Variants in SHOC2 observed in about 807,000 individuals in gnomAD.
The protein encoded by SHOC2 is leucine-rich repeat protein SHOC-2.
In SHOC2, 4 loss-of-function variants were observed where a neutral mutation model predicts 50.2. That is an observed-to-expected ratio of 0.08 (90% confidence interval 0.04 to 0.18). The LOEUF (loss-of-function observed/expected upper bound fraction) is 0.18, where lower values mean the gene tolerates loss of function less well. Among genes scored for constraint, SHOC2 ranks in the 10% least tolerant of loss-of-function variants. The probability of loss-of-function intolerance (pLI) is 1.00; values close to 1 mark genes in which losing one functional copy is unlikely to be tolerated. For missense variants in SHOC2, 388 were observed against 669.6 expected, an observed-to-expected ratio of 0.58 and a Z score of 4.64; for synonymous variants, 218 against 244.5, an observed-to-expected ratio of 0.89 and a Z score of 1.01.
At chr10:110,937,425 T>C (rs1847048429) in intron 1 of SHOC2, among the ~76,000 whole-genome samples, 1 of 152,230 alleles carries the variant, frequency 6.6e-6, no homozygotes, top group Non-Finnish European at 1.5e-5. Context: ...ATGCAAGCCA[T>C]TTCCCTGGCT....
chr10:110,996,712 A>C (rs1848274975), intron 3 of SHOC2, among the ~76,000 whole-genome samples: 1 of 152,174 alleles, frequency 6.6e-6, no homozygotes, highest in Non-Finnish European at 1.5e-5. Context: ...ATAGAATACA[A>C]CCTACCTTTT....
chr10:110,969,315 C>T (rs944997616), intron 2 of SHOC2, among the ~76,000 whole-genome samples: 2 of 152,160 alleles, frequency 1.3e-5, no homozygotes, highest in African/African-American at 4.8e-5. Context: ...CAGTCAAGAA[C>T]CCATGTTTTC....
At chr10:110,999,913 A>G (rs1590830825) in intron 3 of SHOC2, among the ~76,000 whole-genome samples, 1 of 152,208 alleles carries the variant, frequency 6.6e-6, no homozygotes, top group East Asian at 1.9e-4. Context: ...CCATCAGGCC[A>G]AGTTTTCAGT....
At chr10:110,991,083 C>T (rs925567766) in intron 3 of SHOC2, among the ~76,000 whole-genome samples, 6 of 152,116 alleles carry the variant, frequency 3.9e-5, no homozygotes, top group Non-Finnish European at 7.4e-5. Context: ...TTCATTCGGC[C>T]TTCTTCTCTG....
Position 111,007,558 on chromosome 10 carries a change from G to T in SHOC2, c.1189G>T (p.Asp397Tyr). ...KDNQLTSLPL[D>Y]FGTWTSMVEL... ...CAATCAGTTAACATCACTTCCCTTG[G>T]ATTTTGGAACTTGGACCAGTATGGT... The change falls in exon 6 of 9, where the codon GAT becomes TAT. Residue 397 changes from aspartate (D) to tyrosine (Y), a missense_variant. Transcript: ENST00000369452. 1 of 1,613,648 alleles carries T rather than the reference G, an allele frequency of 6.2e-7. No homozygotes were observed. Among genetic ancestry groups the T allele is most frequent in the South Asian group, 1.1e-5 (1 of 91,056 alleles).
intron 1 of SHOC2, among the ~76,000 whole-genome samples, chr10:110,924,022 T>G (rs1285949613): frequency 6.6e-6 from 1 of 152,174 alleles, no homozygotes; most frequent in Non-Finnish European, 1.5e-5. Flanking sequence ...TACATTTGGG[T>G]TTTTTTCAGT....
intron 2 of SHOC2, among the ~76,000 whole-genome samples, chr10:110,974,962 CA>C (rs1847848623): frequency 6.6e-6 from 1 of 152,056 alleles, no homozygotes; most frequent in Non-Finnish European, 1.5e-5. Flanking sequence ...AGAAAAGTTT[CA>C]AAACCATTTT....
intron 3 of SHOC2, chr10:110,988,911 C>T (rs1848130433): frequency 2.1e-6 from 1 of 476,180 alleles, no homozygotes; most frequent in Admixed American, 2.3e-5. Context: ...TTTGTTTCTT[C>T]TGTGATCTAT....
chr10:110,937,098 T>A, intron 1 of SHOC2: 1 of 1,469,874 alleles, frequency 6.8e-7, no homozygotes, highest in Non-Finnish European at 9.5e-7. Context: ...CTGTAGAAAT[T>A]GCCAGAAATG....
chr10:110,948,436 TAC>T (rs1286653926), intron 1 of SHOC2, among the ~76,000 whole-genome samples: 1 of 152,186 alleles, frequency 6.6e-6, no homozygotes. Context: ...TAGCAGAATA[TAC>T]ACTCTTTTTA....
chr10:110,995,357 G>A (rs918322548), intron 3 of SHOC2, among the ~76,000 whole-genome samples: 2 of 152,146 alleles, frequency 1.3e-5, no homozygotes, highest in African/African-American at 4.8e-5. Flanking sequence ...CAGAGAGGTC[G>A]GTAAGAGCTT....
chr10:111,005,771 T>C (rs747333321), intron 5 of SHOC2, among the ~76,000 whole-genome samples: 12 of 152,196 alleles, frequency 7.9e-5, no homozygotes, highest in South Asian at 2.1e-4. Context: ...CTGGACAAAC[T>C]TTAGGCCCAA....
rs79712676 is a variant in SHOC2 at position 110,945,661 on chromosome 10, T to G, written c.-234-18464T>G. On this transcript the variant is annotated intron_variant, in intron 1 of 8. Coordinates refer to ENST00000369452, the MANE Select transcript of SHOC2 (RefSeq NM_007373.4). The stretch of plus-strand genomic sequence containing the variant: ...ATCCCACACTGACAGACCTCCATGT[T>G]TGACTCTCCCTATCTCCACCCCAAC... 6.0e-3 allele frequency among the ~76,000 whole-genome samples: 917 copies of G among 152,250 alleles called. 12 individuals are homozygous for G. Among genetic ancestry groups the G allele is most frequent in the African/African-American group, 0.02 (832 of 41,524 alleles).
intron 2 of SHOC2, among the ~76,000 whole-genome samples, chr10:110,980,134 C>G (rs1031652226): frequency 6.7e-6 from 1 of 149,948 alleles, no homozygotes; most frequent in Non-Finnish European, 1.5e-5. Context: ...GTCTGAAAAG[C>G]GTTGTTCTAC....
chr10:110,919,496 G>T, upstream of SHOC2: 1 of 391,748 alleles, frequency 2.6e-6, no homozygotes, highest in Non-Finnish European at 4.5e-6. Context: ...GAGGGGTGGG[G>T]CGGGGAGGCT....
At chr10:110,921,863 G>C (rs1673821533) in intron 1 of SHOC2, among the ~76,000 whole-genome samples, 1 of 151,890 alleles carries the variant, frequency 6.6e-6, no homozygotes, top group African/African-American at 2.4e-5. Context: ...TTTGTTTTCT[G>C]ATCGCTCATT....
chr10:110,924,162 C>A (rs1403268232), intron 1 of SHOC2, among the ~76,000 whole-genome samples: 2 of 152,160 alleles, frequency 1.3e-5, no homozygotes, highest in Non-Finnish European at 2.9e-5. Flanking sequence ...TCACCAATGT[C>A]ATGGAACTTC....
chr10:110,934,272 A>G (rs4918613), intron 1 of SHOC2, among the ~76,000 whole-genome samples: 77,946 of 152,064 alleles, frequency 0.51, 24,379 homozygotes, highest in Non-Finnish European at 0.69. Flanking sequence ...GAAGCATTAT[A>G]TATCTTGGTG....
intron 2 of SHOC2, among the ~76,000 whole-genome samples, chr10:110,974,506 G>T (rs1048463292): frequency 6.6e-6 from 1 of 151,806 alleles, no homozygotes; most frequent in Non-Finnish European, 1.5e-5. Flanking sequence ...TTTTAAAATG[G>T]GTTTTGTAAA....
Sources: gnomAD v4.1 joint callset for allele counts (sites outside exome capture counted in the v4.1 genomes callset) on GRCh38, gnomAD v4.1.1 for gene constraint, MANE v1.5 for transcripts, NCBI Gene and HGNC (gene_info 2026-07-23, HGNC 2026-07-21) for gene names.